FRMD3: variants seen among roughly 807,000 people sequenced by gnomAD.
FRMD3 encodes the protein FERM domain-containing protein 3.
In FRMD3, 33 loss-of-function variants were observed where a neutral mutation model predicts 70.2. The observed-to-expected ratio is 0.47, with a 90% CI of 0.36 to 0.63. The LOEUF (loss-of-function observed/expected upper bound fraction) is 0.63. FRMD3 is among the 20% of genes least tolerant of loss of function. The pLI, the probability that FRMD3 is intolerant of heterozygous loss-of-function variation, is 0.00. For synonymous variants in FRMD3, 279 were observed against 255.9 expected, an observed-to-expected ratio of 1.09 and a Z score of -0.86; for missense variants, 632 against 711.4, an observed-to-expected ratio of 0.89 and a Z score of 1.27.
intron 3 of FRMD3, 142 bp downstream of exon 3, chr9:83,372,771 C>T: frequency 1.4e-6 from 1 of 729,666 alleles, no homozygotes; most frequent in Admixed American, 2.2e-5. Flanking sequence ...AAATACAGAG[C>T]TCTCCTGGGG....
intron 2 of FRMD3, among the ~76,000 whole-genome samples, chr9:83,385,485 T>C (rs1825485247): frequency 6.6e-6 from 1 of 152,188 alleles, no homozygotes; most frequent in Non-Finnish European, 1.5e-5. Flanking sequence ...CCTGACTCAG[T>C]GTTTCCCATT....
intron 1 of FRMD3, among the ~76,000 whole-genome samples, chr9:83,489,300 A>G (rs1462342446): frequency 1.3e-5 from 2 of 152,214 alleles, no homozygotes; most frequent in East Asian, 1.9e-4. Context: ...AAAAGAAACT[A>G]TCAACAGAGT....
chr9:83,524,812 C>T (rs1324074341), intron 1 of FRMD3, among the ~76,000 whole-genome samples: 2 of 152,076 alleles, frequency 1.3e-5, no homozygotes, highest in Non-Finnish European at 2.9e-5. Flanking sequence ...AAGCTTGCTG[C>T]TAAACAAAGA....
At chr9:83,400,403 A>T (rs1237710827) in intron 1 of FRMD3, among the ~76,000 whole-genome samples, 1 of 152,244 alleles carries the variant, frequency 6.6e-6, no homozygotes, top group East Asian at 1.9e-4. Flanking sequence ...AAAAGATCTA[A>T]ATAAATGGAT....
chr9:83,377,940 T>C (rs1825200771), intron 2 of FRMD3, among the ~76,000 whole-genome samples: 1 of 152,166 alleles, frequency 6.6e-6, no homozygotes, highest in Admixed American at 6.5e-5. Context: ...AATGAGTTCA[T>C]ACATGATAGG....
intron 13 of FRMD3, chr9:83,281,619 C>CA: frequency 6.6e-6 from 1 of 152,216 alleles, no homozygotes; most frequent in South Asian, 2.1e-4. Context: ...ACTCTTAACA[C>CA]AGACTGTAAG....
At chr9:83,544,953 A>G in the FRMD3 span, among the ~76,000 whole-genome samples, 2 of 152,326 alleles carry the variant, frequency 1.3e-5, no homozygotes, top group South Asian at 4.1e-4. Context: ...CAACACAACA[A>G]TTCCAGCAGC....
chr9:83,393,178 AC>A (rs758839883), intron 1 of FRMD3, among the ~76,000 whole-genome samples: 2 of 152,236 alleles, frequency 1.3e-5, no homozygotes, highest in Non-Finnish European at 2.9e-5. Flanking sequence ...TTGTTCAACT[AC>A]ACAACTTAAC....
At position 83,309,615 on chromosome 9, in the gene FRMD3, T is replaced by C. The variant is rs1471599712; in HGVS notation, c.847A>G (p.Met283Val). The change falls in exon 10 of 14, where the codon ATG becomes GTG. Residue 283 changes from methionine to valine, a missense_variant. Around this residue, in one of 3 missense-constraint regions of FRMD3, gnomAD observed 418 missense variants for 442.1 expected, o/e 0.95. Transcript: ENST00000304195. ...VIGTQKEKKA[M>V]LAFHTSTPAA... ...GGTGTTGAAGTATGGAATGCCAACATGGCTTTTTTCTAATTAAAAAATAAC... is the reference window on the plus strand; with the variant it reads ...GGTGTTGAAGTATGGAATGCCAACACGGCTTTTTTCTAATTAAAAAATAAC... 5.1e-6 allele frequency: 8 copies of C among 1,581,198 alleles called. No individual in the cohort carries two copies. Among genetic ancestry groups the C allele is most frequent in the African/African-American group, 1.4e-5 (1 of 73,750 alleles).
At chr9:83,312,048 AT>A in intron 7 of FRMD3, 73 bp from the exon 8 acceptor site, 1 of 1,144,484 alleles carries the variant, frequency 8.7e-7, no homozygotes. Flanking sequence ...TAACCAATAT[AT>A]TTATTCATCC....
At chr9:83,299,285 G>T (rs757180690) in intron 10 of FRMD3, 99 bp from the exon 11 acceptor site, 49 of 698,270 alleles carry the variant, frequency 7.0e-5, no homozygotes, top group Non-Finnish European at 1.1e-4. Flanking sequence ...CTGCAAGAAA[G>T]AAATGTAATT....
chr9:83,348,769 C>G (rs1194920268), intron 4 of FRMD3, among the ~76,000 whole-genome samples: 1 of 152,136 alleles, frequency 6.6e-6, no homozygotes, highest in African/African-American at 2.4e-5. Flanking sequence ...ACAAACCTTA[C>G]TAAATGACTG....
chr9:83,328,461 C>T (rs1836109962), intron 6 of FRMD3, among the ~76,000 whole-genome samples: 1 of 152,188 alleles, frequency 6.6e-6, no homozygotes, highest in African/African-American at 2.4e-5. Context: ...ATAACTACTG[C>T]TTTGGACTCC....
chr9:83,419,548 T>C (rs986210699), intron 1 of FRMD3, among the ~76,000 whole-genome samples: 2 of 141,758 alleles, frequency 1.4e-5, no homozygotes, highest in African/African-American at 5.0e-5. Context: ...GAGTGTGTGA[T>C]ATGTGTGTGT....
chr9:83,306,712 A>G (rs1329429550), intron 10 of FRMD3, among the ~76,000 whole-genome samples: 2 of 151,502 alleles, frequency 1.3e-5, no homozygotes, highest in South Asian at 2.1e-4. Context: ...TGAGATCTTC[A>G]GGAAATAAAA....
intron 13 of FRMD3, among the ~76,000 whole-genome samples, chr9:83,283,215 C>T (rs181957637): frequency 7.2e-5 from 11 of 152,220 alleles, no homozygotes; most frequent in South Asian, 2.1e-4. Flanking sequence ...CTGACCCAAA[C>T]TGTGATGCTG....
At chr9:83,413,035 A>C (rs1171308550) in intron 1 of FRMD3, among the ~76,000 whole-genome samples, 2 of 152,128 alleles carry the variant, frequency 1.3e-5, no homozygotes, top group African/African-American at 2.4e-5. Context: ...ACAGAAAAGA[A>C]AGATAAGAAA....
chr9:83,415,673 G>A (rs1296538171), intron 1 of FRMD3, among the ~76,000 whole-genome samples: 3 of 146,772 alleles, frequency 2.0e-5, no homozygotes, highest in African/African-American at 7.7e-5. Flanking sequence ...TGTTAGCCAG[G>A]ATGGTCTCGG....
Position 83,342,696 on chromosome 9 carries a change from A to AT in FRMD3, c.472+493dup, listed in dbSNP as rs780370377. 7.4e-3 allele frequency among the ~76,000 whole-genome samples: 541 copies of AT among 72,762 alleles called. 3 individuals are homozygous for AT. The highest frequency in any genetic ancestry group is 0.016 in the African/African-American group (373 of 23,126). 47.7% of individuals were successfully genotyped at this position (72,762 alleles called of 152,430 possible). On this transcript the variant is annotated intron_variant, in intron 5 of 13. Coordinates refer to ENST00000304195, the MANE Select transcript of FRMD3 (RefSeq NM_174938.6). Reference sequence around the variant, plus strand: ...ATGGATGGATGGATGGATAGATTAGATAGATAGATAGATAGATAGATAGAT... The same window carrying AT: ...ATGGATGGATGGATGGATAGATTAGATTAGATAGATAGATAGATAGATAGAT...
Sources: allele counts gnomAD v4.1 joint callset (sites outside exome capture counted in the v4.1 genomes callset), GRCh38; gene constraint gnomAD v4.1.1; regional missense constraint gnomAD v4.1.1; transcripts MANE v1.5; gene names NCBI Gene and HGNC (gene_info 2026-07-23, HGNC 2026-07-21).